CAPZB: variants seen among roughly 807,000 people sequenced by gnomAD.
The protein encoded by CAPZB is F-actin-capping protein subunit beta.
Under a neutral mutation model 38.1 loss-of-function variants are expected in CAPZB, and 2 were observed. The observed-to-expected ratio is 0.05, with a 90% CI of 0.02 to 0.17. CAPZB has a LOEUF of 0.17. Ranked by LOEUF, CAPZB falls within the 10% of genes least tolerant of loss-of-function variation. The pLI is 1.00. For missense variants in CAPZB, 161 were observed against 334.2 expected, an observed-to-expected ratio of 0.48 and a Z score of 4.04; for synonymous variants, 107 against 127.4, an observed-to-expected ratio of 0.84 and a Z score of 1.08.
intron 6 of CAPZB, among the ~76,000 whole-genome samples, chr1:19,354,849 G>A (rs1215446761): frequency 1.3e-5 from 2 of 152,220 alleles, no homozygotes; most frequent in Non-Finnish European, 2.9e-5. Flanking sequence ...GTGGCAGGAT[G>A]TGGGAGAGTC....
rs766394160 is a variant in CAPZB at position 19,370,201 on chromosome 1, G to A, written c.329+8339C>T. On this transcript the variant is annotated intron_variant, in intron 4 of 8. Transcript: ENST00000264202. The stretch of plus-strand genomic sequence containing the variant: ...CGACCACTGGGAATCCCTTCAGGGC[G>A]TGGCCCAGGCGGTTCCCACTGCTCA... Among the ~76,000 whole-genome samples the A allele has an allele frequency of 9.2e-5, 14 of 152,334 alleles. No individual in the cohort carries two copies. The Middle Eastern group carries it at 0.01, about 111-fold the overall frequency.
chr1:19,482,563 C>T (rs775677622), intron 1 of CAPZB, among the ~76,000 whole-genome samples: 2 of 152,212 alleles, frequency 1.3e-5, no homozygotes, highest in African/African-American at 2.4e-5. Context: ...TGAAATTGTA[C>T]AGCACTCAGA....
chr1:19,479,003 G>A (rs368910089), intron 1 of CAPZB, among the ~76,000 whole-genome samples: 10 of 152,152 alleles, frequency 6.6e-5, no homozygotes, highest in East Asian at 3.8e-4. Flanking sequence ...GAGGCCAGGC[G>A]TTCAAGACCA....
intron 4 of CAPZB, among the ~76,000 whole-genome samples, chr1:19,372,800 G>A (rs886818262): frequency 1.8e-4 from 28 of 152,212 alleles, no homozygotes; most frequent in African/African-American, 6.3e-4. Flanking sequence ...CTCAGTTCTC[G>A]TGACATCCCC....
intron 6 of CAPZB, among the ~76,000 whole-genome samples, chr1:19,354,362 C>G (rs561991747): frequency 1.3e-5 from 2 of 152,296 alleles, no homozygotes; most frequent in Admixed American, 1.3e-4. Context: ...GCTCTGCAAC[C>G]CTCACTTCCC....
At chr1:19,434,202 T>C (rs2094450837) in intron 1 of CAPZB, among the ~76,000 whole-genome samples, 1 of 152,302 alleles carries the variant, frequency 6.6e-6, no homozygotes, top group South Asian at 2.1e-4. Flanking sequence ...CAGAAAGACC[T>C]TGGAAGTAAG....
chr1:19,390,098 T>C (rs2094224872), intron 2 of CAPZB, among the ~76,000 whole-genome samples: 2 of 152,190 alleles, frequency 1.3e-5, no homozygotes, highest in South Asian at 4.1e-4. Context: ...TGAGGCCATA[T>C]TACAGAACCA....
At chr1:19,455,068 G>C (rs1366064589) in intron 1 of CAPZB, among the ~76,000 whole-genome samples, 1 of 152,260 alleles carries the variant, frequency 6.6e-6, no homozygotes, top group Non-Finnish European at 1.5e-5. Context: ...CGGAGGGCTT[G>C]GAACCCTGCA....
In CAPZB at chr1:19,484,621, C is replaced by T. The variant is rs150149580; in HGVS notation, c.3+815G>A. ...CCCATCCCTGATGGAGAGCTCCCCT[C>T]GCTCCCCAAAGGCTGCAAAGAAGGC... On this transcript the variant is annotated intron_variant, in intron 1 of 8. Coordinates refer to ENST00000264202, the MANE Select transcript of CAPZB (RefSeq NM_004930.5). The T allele has an allele frequency of 4.1e-4, 489 of 1,180,928 alleles. 4 individuals are homozygous for T. In the African/African-American group the frequency reaches 7.1e-3, roughly 17 times the overall value. 73.2% of individuals were successfully genotyped at this position (1,180,928 alleles called of 1,614,324 possible).
intron 2 of CAPZB, among the ~76,000 whole-genome samples, chr1:19,401,167 G>T (rs1156342930): frequency 6.7e-6 from 1 of 150,040 alleles, no homozygotes; most frequent in South Asian, 2.1e-4. Flanking sequence ...ATTCCTAAGA[G>T]ACTTAAATTT....
chr1:19,401,087 A>T (rs936060815), intron 2 of CAPZB, among the ~76,000 whole-genome samples: 1 of 152,290 alleles, frequency 6.6e-6, no homozygotes, highest in Admixed American at 6.5e-5. Flanking sequence ...ATCCCTTGCC[A>T]GCTTCCAATG....
intron 2 of CAPZB, among the ~76,000 whole-genome samples, chr1:19,400,168 A>G (rs2094295363): frequency 6.6e-6 from 1 of 151,938 alleles, no homozygotes; most frequent in African/African-American, 2.4e-5. Flanking sequence ...CCGAGACCTC[A>G]ACACCATCCT....
At chr1:19,473,704 A>C (rs1485613733) in intron 1 of CAPZB, among the ~76,000 whole-genome samples, 1 of 152,098 alleles carries the variant, frequency 6.6e-6, no homozygotes, top group Non-Finnish European at 1.5e-5. Flanking sequence ...TCTCTACTAA[A>C]AATACAAAAA....
At chr1:19,477,398 T>G (rs140198776) in intron 1 of CAPZB, among the ~76,000 whole-genome samples, 1 of 152,212 alleles carries the variant, frequency 6.6e-6, no homozygotes, top group Non-Finnish European at 1.5e-5. Flanking sequence ...ACAGCTCACA[T>G]TGGAAATTCT....
At chr1:19,410,263 G>A (rs1009981691) in intron 2 of CAPZB, among the ~76,000 whole-genome samples, 2 of 152,190 alleles carry the variant, frequency 1.3e-5, no homozygotes, top group African/African-American at 4.8e-5. Flanking sequence ...GATGCCAGGG[G>A]AGATGGAGGG....
chr1:19,390,174 C>G (rs2094225624), intron 2 of CAPZB, among the ~76,000 whole-genome samples: 2 of 152,238 alleles, frequency 1.3e-5, no homozygotes, highest in Non-Finnish European at 2.9e-5. Flanking sequence ...CGGCCCCCGC[C>G]CCCTACTCAT....
At chr1:19,467,223 C>G (rs560321369) in intron 1 of CAPZB, among the ~76,000 whole-genome samples, 1 of 152,096 alleles carries the variant, frequency 6.6e-6, no homozygotes, top group African/African-American at 2.4e-5. Context: ...AGGAAAGCCT[C>G]AAATAAATAA....
intron 1 of CAPZB, among the ~76,000 whole-genome samples, chr1:19,471,706 T>C (rs992538242): frequency 6.6e-6 from 1 of 151,674 alleles, no homozygotes; most frequent in Admixed American, 6.6e-5. Flanking sequence ...CTACTAAAAA[T>C]ACCAAAAAAA....
intron 1 of CAPZB, among the ~76,000 whole-genome samples, chr1:19,460,419 G>A (rs1442133012): frequency 1.3e-5 from 2 of 152,188 alleles, no homozygotes; most frequent in East Asian, 1.9e-4. Context: ...TGGGACTACA[G>A]GTGCCCGCCA....
Sources: allele counts gnomAD v4.1 joint callset (sites outside exome capture counted in the v4.1 genomes callset), GRCh38; gene constraint gnomAD v4.1.1; transcripts MANE v1.5; gene names NCBI Gene and HGNC (gene_info 2026-07-23, HGNC 2026-07-21).